Variants in BOLL observed in about 807,000 individuals in gnomAD.
BOLL encodes protein boule-like.
BOLL carries 23 observed loss-of-function variants against 44.4 expected under a neutral mutation model. The observed-to-expected ratio is 0.52, with a 90% CI of 0.37 to 0.73. The LOEUF (loss-of-function observed/expected upper bound fraction) is 0.73, where lower values mean the gene tolerates loss of function less well. BOLL is among the 30% of genes least tolerant of loss of function. The pLI is 0.00. For missense variants in BOLL, 287 were observed against 338.3 expected, an observed-to-expected ratio of 0.85 and a Z score of 1.19; for synonymous variants, 97 against 110.8, an observed-to-expected ratio of 0.88 and a Z score of 0.78.
At chr2:197,763,876 A>C (rs1313865657) in intron 7 of BOLL, among the ~76,000 whole-genome samples, 1 of 152,222 alleles carries the variant, frequency 6.6e-6, no homozygotes, top group African/African-American at 2.4e-5. Flanking sequence ...AAAAATGGGC[A>C]AATGATCTGA....
At chr2:197,739,083 A>G (rs1242839138) in intron 10 of BOLL, among the ~76,000 whole-genome samples, 1 of 152,144 alleles carries the variant, frequency 6.6e-6, no homozygotes, top group Non-Finnish European at 1.5e-5. Flanking sequence ...ATCGTTTTGT[A>G]TTGAGGGCCA....
chr2:197,757,276 C>G, intron 8 of BOLL, 77 bp downstream of exon 8: 3 of 1,283,572 alleles, frequency 2.3e-6, no homozygotes, highest in Non-Finnish European at 2.2e-6. Context: ...ATCTAAAAAA[C>G]TTTAGTATTC....
At chr2:197,761,220 G>A (rs1688741719) in intron 7 of BOLL, among the ~76,000 whole-genome samples, 2 of 152,260 alleles carry the variant, frequency 1.3e-5, no homozygotes, top group Middle Eastern at 6.8e-3. Flanking sequence ...TAAGGTGGGA[G>A]GGATTACTTG....
At chr2:197,745,273 A>G (rs1228935230) in intron 9 of BOLL, among the ~76,000 whole-genome samples, 2 of 152,180 alleles carry the variant, frequency 1.3e-5, no homozygotes, top group African/African-American at 4.8e-5. Context: ...TATAACACTC[A>G]CAAGAAAAGT....
intron 10 of BOLL, among the ~76,000 whole-genome samples, chr2:197,731,191 C>T (rs1038236476): frequency 1.3e-5 from 2 of 151,840 alleles, no homozygotes; most frequent in East Asian, 3.9e-4. Flanking sequence ...AGACTTTAAA[C>T]CAACAAAGAT....
chr2:197,734,664 A>G (rs1180293472), intron 10 of BOLL, among the ~76,000 whole-genome samples: 1 of 152,208 alleles, frequency 6.6e-6, no homozygotes, highest in Non-Finnish European at 1.5e-5. Flanking sequence ...TTGTAGGGAC[A>G]TGGATGAAGC....
chr2:197,729,025 G>A (rs1408740583), intron 10 of BOLL, among the ~76,000 whole-genome samples: 1 of 152,204 alleles, frequency 6.6e-6, no homozygotes, highest in African/African-American at 2.4e-5. Context: ...CGTGAGCGAC[G>A]CAGAAGACGG....
Position 197,785,292 on chromosome 2 carries a change from G to T in BOLL, c.-252C>A, listed in dbSNP as rs1485104080. 4.1e-6 allele frequency: 4 copies of T among 985,028 alleles called. No homozygotes were observed. Among genetic ancestry groups the T allele is most frequent in the African/African-American group, 1.7e-5 (1 of 57,230 alleles). The allele number at this position is 985,028 out of a possible 1,614,324, so 61.0% of individuals were successfully genotyped here. ...AGTGGCGGGAAGCCTCAACGGCAGC[G>T]ACCCCGCCGCTGGCCTCGTGCGCAG... On this transcript the variant is annotated 5_prime_UTR_variant, in exon 1 of 11. Transcript: ENST00000392296. This position sits in a 1 kb window ranked among gnomAD's most constrained non-coding sequence, Gnocchi z 6.7.
chr2:197,735,914 G>A (rs139030425), intron 10 of BOLL, among the ~76,000 whole-genome samples: 44 of 152,070 alleles, frequency 2.9e-4, no homozygotes, highest in African/African-American at 8.7e-4. Context: ...GTGGCTGCAC[G>A]TCATAGTTAA....
intron 10 of BOLL, among the ~76,000 whole-genome samples, chr2:197,742,117 C>A (rs1348010681): frequency 6.6e-6 from 1 of 152,166 alleles, no homozygotes; most frequent in Non-Finnish European, 1.5e-5. Flanking sequence ...CAATGAGATA[C>A]CATCTTACAC....
At chr2:197,769,946 A>G (rs1689162751) in intron 6 of BOLL, among the ~76,000 whole-genome samples, 2 of 152,200 alleles carry the variant, frequency 1.3e-5, no homozygotes, top group African/African-American at 4.8e-5. Context: ...TATAGATTCA[A>G]TGCCATCCCC....
chr2:197,734,313 A>G (rs1488481525), intron 10 of BOLL, among the ~76,000 whole-genome samples: 3 of 152,064 alleles, frequency 2.0e-5, no homozygotes, highest in Non-Finnish European at 2.9e-5. Context: ...TCAGGAAACA[A>G]CAGGTGCTGG....
At chr2:197,729,325 G>A (rs1401872430) in intron 10 of BOLL, among the ~76,000 whole-genome samples, 2 of 152,194 alleles carry the variant, frequency 1.3e-5, no homozygotes, top group Non-Finnish European at 2.9e-5. Context: ...CGCCCACGGA[G>A]TCTCGCTGAT....
At chr2:197,753,155 A>G (rs1474487852) in intron 9 of BOLL, among the ~76,000 whole-genome samples, 1 of 152,246 alleles carries the variant, frequency 6.6e-6, no homozygotes, top group East Asian at 1.9e-4. Flanking sequence ...AAATTAACTC[A>G]CGATGGATTA....
intron 10 of BOLL, among the ~76,000 whole-genome samples, chr2:197,736,129 GTAAT>G (rs1687473754): frequency 6.6e-6 from 1 of 152,084 alleles, no homozygotes; most frequent in Admixed American, 6.6e-5. Context: ...AACACTGCCA[GTAAT>G]TAGACATATT....
intron 9 of BOLL, among the ~76,000 whole-genome samples, chr2:197,752,223 C>T (rs1383934957): frequency 2.0e-5 from 3 of 152,128 alleles, no homozygotes; most frequent in South Asian, 2.1e-4. Flanking sequence ...TGGAAGCATT[C>T]CCTTGAAAAC....
chr2:197,775,934 A>T (rs776104205), intron 4 of BOLL, among the ~76,000 whole-genome samples, 194 bp from the exon 5 acceptor site: 7 of 151,844 alleles, frequency 4.6e-5, no homozygotes, highest in Non-Finnish European at 8.8e-5. Context: ...CATTTTCTCC[A>T]TTTGTAATAC....
intron 7 of BOLL, among the ~76,000 whole-genome samples, chr2:197,759,813 G>A (rs1441751548): frequency 6.6e-6 from 1 of 152,190 alleles, no homozygotes; most frequent in Non-Finnish European, 1.5e-5. Flanking sequence ...ACATGCTGCC[G>A]GGATGGAATG....
At chr2:197,754,039 G>A (rs1688387315) in intron 9 of BOLL, among the ~76,000 whole-genome samples, 2 of 152,172 alleles carry the variant, frequency 1.3e-5, no homozygotes, top group Admixed American at 1.3e-4. Context: ...CACAGGAACA[G>A]AAAACCAAAC....
Sources: allele counts gnomAD v4.1 joint callset (sites outside exome capture counted in the v4.1 genomes callset), GRCh38; gene constraint gnomAD v4.1.1; non-coding constraint Gnocchi (gnomAD v3.1); transcripts MANE v1.5; gene names NCBI Gene and HGNC (gene_info 2026-07-23, HGNC 2026-07-21).